PSMB1: variants seen among roughly 807,000 people sequenced by gnomAD.
PSMB1 encodes proteasome 20S subunit beta 1.
In PSMB1, 7 loss-of-function variants were observed where a neutral mutation model predicts 25.4. The observed-to-expected ratio is 0.28, with a 90% CI of 0.16 to 0.52. The LOEUF (loss-of-function observed/expected upper bound fraction) is 0.52, where lower values mean the gene tolerates loss of function less well. Among genes scored for constraint, PSMB1 ranks in the 20% least tolerant of loss-of-function variants. PSMB1 has a pLI of 0.97. For synonymous variants in PSMB1, 119 were observed against 115.0 expected, an observed-to-expected ratio of 1.03 and a Z score of -0.22; for missense variants, 284 against 302.2, an observed-to-expected ratio of 0.94 and a Z score of 0.45.
intron 1 of PSMB1, among the ~76,000 whole-genome samples, chr6:170,551,999 C>T (rs1349877048): frequency 1.3e-5 from 2 of 152,196 alleles, no homozygotes; most frequent in African/African-American, 4.8e-5. Context: ...ATCAGACTTT[C>T]GTTATCTTTC....
intron 4 of PSMB1, among the ~76,000 whole-genome samples, chr6:170,537,707 A>T (rs181798501): frequency 7.9e-5 from 12 of 152,346 alleles, no homozygotes; most frequent in Admixed American, 3.9e-4. Flanking sequence ...AAAGATGACA[A>T]GAGAATTAAC....
chr6:170,550,571 A>C (rs1312958621), intron 1 of PSMB1: 1 of 152,138 alleles, frequency 6.6e-6, no homozygotes, highest in Non-Finnish European at 1.5e-5. Context: ...AAAGGAATGC[A>C]AGAGAGAGAA....
intron 4 of PSMB1, among the ~76,000 whole-genome samples, chr6:170,541,505 A>G (rs916015895): frequency 2.0e-5 from 3 of 152,168 alleles, no homozygotes; most frequent in African/African-American, 7.2e-5. Context: ...CCAGAACAAA[A>G]CACCAAAAGA....
At chr6:170,536,670 A>G (rs918567218) in intron 5 of PSMB1, among the ~76,000 whole-genome samples, 3 of 152,224 alleles carry the variant, frequency 2.0e-5, no homozygotes, top group Admixed American at 6.5e-5. Flanking sequence ...TTTATTTATC[A>G]TAAGAATACA....
intron 3 of PSMB1, among the ~76,000 whole-genome samples, chr6:170,544,024 A>G (rs1778787054): frequency 6.6e-6 from 1 of 152,208 alleles, no homozygotes; most frequent in South Asian, 2.1e-4. Context: ...GGCCTAAGGA[A>G]GATGGGTTTA....
At chr6:170,544,193 C>G (rs1028437280) in intron 3 of PSMB1, among the ~76,000 whole-genome samples, 1 of 149,254 alleles carries the variant, frequency 6.7e-6, no homozygotes, top group African/African-American at 2.5e-5. Flanking sequence ...GCCCATAAAG[C>G]TGTAAATATT....
At chr6:170,551,594 AAAT>A (rs767181185) in intron 1 of PSMB1, among the ~76,000 whole-genome samples, 49 of 151,982 alleles carry the variant, frequency 3.2e-4, no homozygotes, top group Admixed American at 1.0e-3. Flanking sequence ...TGAACACTGA[AAAT>A]TCTTATTTAT....
chr6:170,546,957 T>C (rs1778826746), intron 2 of PSMB1, among the ~76,000 whole-genome samples: 1 of 151,886 alleles, frequency 6.6e-6, no homozygotes, highest in Admixed American at 6.6e-5. Flanking sequence ...AGCAATAACA[T>C]AAAGGAAAGA....
rs369453212 is a variant in PSMB1 at position 170,553,260 on chromosome 6, G to C, written c.-18C>G. On this transcript the variant is annotated 5_prime_UTR_variant, in exon 1 of 6. Transcript: ENST00000262193. ...GACAACATCGCACGGCTGCGCCTGCGGATCCGACACTTGCTGTCTCACGGC... is the reference window on the plus strand; with the variant it reads ...GACAACATCGCACGGCTGCGCCTGCCGATCCGACACTTGCTGTCTCACGGC... The C allele has an allele frequency of 6.3e-7, 1 of 1,577,084 alleles. No individual in the cohort carries two copies. The highest frequency in any genetic ancestry group is 8.7e-7 in the Non-Finnish European group (1 of 1,152,360).
At chr6:170,539,315 T>C (rs540157697) in intron 4 of PSMB1, among the ~76,000 whole-genome samples, 52 of 152,190 alleles carry the variant, frequency 3.4e-4, no homozygotes, top group Non-Finnish European at 7.1e-4. Context: ...GATTAGACTG[T>C]ATGAAACACA....
At chr6:170,538,919 A>G (rs1343637588) in intron 4 of PSMB1, among the ~76,000 whole-genome samples, 1 of 152,222 alleles carries the variant, frequency 6.6e-6, no homozygotes, top group African/African-American at 2.4e-5. Context: ...ACAGGCCACA[A>G]GTAAACTGAG....
At chr6:170,541,343 A>G (rs1038792165) in intron 4 of PSMB1, among the ~76,000 whole-genome samples, 31 of 152,216 alleles carry the variant, frequency 2.0e-4, no homozygotes, top group Admixed American at 2.0e-3. Flanking sequence ...CACAAGAAAG[A>G]AAATATTAAT....
At chr6:170,546,834 A>C (rs1436945348) in intron 2 of PSMB1, among the ~76,000 whole-genome samples, 1 of 152,216 alleles carries the variant, frequency 6.6e-6, no homozygotes, top group African/African-American at 2.4e-5. Flanking sequence ...TGACTACATA[A>C]AATTCTACAG....
At chr6:170,536,760 T>C (rs544722464) in intron 5 of PSMB1, among the ~76,000 whole-genome samples, 2 of 152,206 alleles carry the variant, frequency 1.3e-5, no homozygotes, top group Non-Finnish European at 2.9e-5. Context: ...GTAGGCTTAT[T>C]TGTAAGTTTT....
rs970325661 is a variant in PSMB1 at position 170,550,917 on chromosome 6, G to T, written c.114-1804C>A. ...TTTGGGAGGCTGAGGGGGGGGGGGG[G>T]GGTCAATTGCCTGAGATCAGGAGTT... is the stretch of plus-strand genomic sequence containing the variant. On this transcript the variant is annotated intron_variant, in intron 1 of 5. Coordinates refer to ENST00000262193, the MANE Select transcript of PSMB1 (RefSeq NM_002793.4). Among the ~76,000 whole-genome samples, 17 of 117,632 alleles carry T rather than the reference G, an allele frequency of 1.4e-4. 1 individual carries two copies. The highest frequency in any genetic ancestry group is 2.8e-4 in the Non-Finnish European group (15 of 54,368). The allele number at this position is 117,632 out of a possible 152,430, so 77.2% of individuals were successfully genotyped here.
intron 4 of PSMB1, among the ~76,000 whole-genome samples, chr6:170,539,527 A>G (rs1214760601): frequency 1.3e-5 from 2 of 152,250 alleles, no homozygotes; most frequent in East Asian, 3.8e-4. Flanking sequence ...GTCAATAAAC[A>G]TATGAAAACA....
rs1778788952 is a variant in PSMB1 at position 170,544,163 on chromosome 6, A to G, written c.304-433T>C. ...TATTGTCCGTGGCTGCTTTTTCACT[A>G]CAGAAGCAGATCAAATGAGGCCCAT... On this transcript the variant is annotated intron_variant, in intron 3 of 5. Coordinates refer to ENST00000262193, the MANE Select transcript of PSMB1 (RefSeq NM_002793.4). Among the ~76,000 whole-genome samples the G allele has an allele frequency of 2.6e-5, 4 of 152,120 alleles. No homozygotes were observed. The South Asian group carries it at 8.3e-4, about 32-fold the overall frequency.
chr6:170,547,171 T>C (rs2114980217), intron 2 of PSMB1, among the ~76,000 whole-genome samples: 1 of 152,310 alleles, frequency 6.6e-6, no homozygotes, highest in Non-Finnish European at 1.5e-5. Flanking sequence ...GATGGGCAAT[T>C]TGGTGGTATT....
chr6:170,539,150 T>C (rs1485713597), intron 4 of PSMB1, among the ~76,000 whole-genome samples: 1 of 152,234 alleles, frequency 6.6e-6, no homozygotes, highest in Admixed American at 6.5e-5. Context: ...GATTACAAAG[T>C]GCTTTTCCTC....
Sources: allele counts gnomAD v4.1 joint callset (sites outside exome capture counted in the v4.1 genomes callset), GRCh38; gene constraint gnomAD v4.1.1; transcripts MANE v1.5; gene names NCBI Gene and HGNC (gene_info 2026-07-23, HGNC 2026-07-21).